GLRA1: variants seen among roughly 807,000 people sequenced by gnomAD.
GLRA1 encodes glycine receptor subunit alpha-1.
In GLRA1, 37 loss-of-function variants were observed where a neutral mutation model predicts 48.3. That is an observed-to-expected ratio of 0.77 (90% CI 0.59 to 1.01). The LOEUF is 1.01. Among genes scored for constraint, GLRA1 ranks in the 50% least tolerant of loss-of-function variants. GLRA1 has a pLI of 0.00. For synonymous variants in GLRA1, 196 were observed against 210.7 expected, an observed-to-expected ratio of 0.93 and a Z score of 0.60; for missense variants, 427 against 571.0, an observed-to-expected ratio of 0.75 and a Z score of 2.57.
chr5:151,854,776 T>C (rs1279239076), intron 6 of GLRA1, among the ~76,000 whole-genome samples: 1 of 152,248 alleles, frequency 6.6e-6, no homozygotes, highest in African/African-American at 2.4e-5. Context: ...TACTTCTGCC[T>C]TAGAAATAGG....
rs930670172 is a variant in GLRA1, at chr5:151,924,815, T to C, written c.-266A>G. On this transcript the variant is annotated 5_prime_UTR_variant, in exon 1 of 9. Coordinates refer to ENST00000274576, the MANE Select transcript of GLRA1 (RefSeq NM_000171.4). ...GGAGCGCGAAGAGTATTGCTGTTTGTTAAACTCCAGCGTGTCTGTTGGCTC... is the reference window on the plus strand; with the variant it reads ...GGAGCGCGAAGAGTATTGCTGTTTGCTAAACTCCAGCGTGTCTGTTGGCTC... 1.4e-5 allele frequency: 8 copies of C among 564,652 alleles called. No individual in the cohort carries two copies. Among genetic ancestry groups the C allele is most frequent in the Non-Finnish European group, 2.5e-5 (8 of 315,812 alleles). 35.0% of individuals were successfully genotyped at this position (564,652 alleles called of 1,614,324 possible). A position where few individuals can be genotyped will look rare whatever the true frequency, so the allele number is the denominator to read the frequency against.
intron 3 of GLRA1, among the ~76,000 whole-genome samples, chr5:151,867,636 T>A (rs1453705584): frequency 6.6e-6 from 1 of 152,214 alleles, no homozygotes; most frequent in Non-Finnish European, 1.5e-5. Context: ...AAAACAATCC[T>A]ATGACTTGGG....
rs1377530002 is a variant in GLRA1 at position 151,840,541 on chromosome 5, A to G, written c.912+10849T>C. 3.1e-4 allele frequency among the ~76,000 whole-genome samples: 47 copies of G among 152,230 alleles called. 1 individual carries two copies. Among genetic ancestry groups the G allele is most frequent in the Non-Finnish European group, 1.5e-5 (1 of 68,042 alleles). ...TACATTAATTAAATTAAGTGGAAAT[A>G]GACTAAACAAACTAATTGAAAGTTA... is the stretch of plus-strand genomic sequence containing the variant. On this transcript the variant is annotated intron_variant, in intron 7 of 8. Coordinates refer to ENST00000274576, the MANE Select transcript of GLRA1 (RefSeq NM_000171.4).
chr5:151,874,171 G>A (rs1753565597), intron 3 of GLRA1, among the ~76,000 whole-genome samples: 1 of 152,254 alleles, frequency 6.6e-6, no homozygotes, highest in Middle Eastern at 3.4e-3. Flanking sequence ...TGGGTAAATG[G>A]AGATTTCAGA....
chr5:151,911,425 C>T (rs147182164), intron 1 of GLRA1, among the ~76,000 whole-genome samples: 1 of 152,090 alleles, frequency 6.6e-6, no homozygotes, highest in African/African-American at 2.4e-5. Context: ...ACTATATGCC[C>T]TCTCCCTTTT....
intron 1 of GLRA1, among the ~76,000 whole-genome samples, chr5:151,907,048 C>A (rs1754488349): frequency 6.6e-6 from 1 of 152,212 alleles, no homozygotes; most frequent in Non-Finnish European, 1.5e-5. Flanking sequence ...TGCTCAGTAG[C>A]ATGCTGTAAG....
intron 1 of GLRA1, among the ~76,000 whole-genome samples, chr5:151,899,923 A>T (rs746437841): frequency 1.3e-5 from 2 of 152,150 alleles, no homozygotes. Flanking sequence ...TAAGAAGCAC[A>T]TGTATTTGAA....
At chr5:151,857,654 G>A (rs977048971) in intron 4 of GLRA1, among the ~76,000 whole-genome samples, 2 of 152,194 alleles carry the variant, frequency 1.3e-5, no homozygotes, top group East Asian at 3.8e-4. Context: ...AAAGGGGTGG[G>A]CTCCTCAGGA....
At chr5:151,879,297 A>G (rs1581639075) in intron 3 of GLRA1, among the ~76,000 whole-genome samples, 1 of 147,996 alleles carries the variant, frequency 6.8e-6, no homozygotes, top group African/African-American at 2.5e-5. Context: ...CAATACCTGT[A>G]CCCCCATTGT....
chr5:151,911,600 GTTT>G (rs768033241), intron 1 of GLRA1, among the ~76,000 whole-genome samples: 3 of 92,342 alleles, frequency 3.2e-5, no homozygotes, highest in Admixed American at 1.2e-4. Flanking sequence ...CCAAGCTAGA[GTTT>G]TTTTTTTTTT....
chr5:151,916,234 C>G (rs892855138), intron 1 of GLRA1, among the ~76,000 whole-genome samples: 5 of 152,148 alleles, frequency 3.3e-5, no homozygotes, highest in Non-Finnish European at 4.4e-5. Context: ...AATGGGGATA[C>G]TAACCATTGT....
At chr5:151,917,074 C>T (rs1754758873) in intron 1 of GLRA1, among the ~76,000 whole-genome samples, 1 of 152,214 alleles carries the variant, frequency 6.6e-6, no homozygotes, top group Non-Finnish European at 1.5e-5. Context: ...CTCTGTCACC[C>T]ACTCTATAAA....
At chr5:151,901,364 G>A (rs985145997) in intron 1 of GLRA1, among the ~76,000 whole-genome samples, 3 of 152,148 alleles carry the variant, frequency 2.0e-5, no homozygotes, top group African/African-American at 4.8e-5. Context: ...AAGCATGGGG[G>A]CATCAAGTGG....
At chr5:151,852,942 G>A (rs1752947883) in intron 6 of GLRA1, among the ~76,000 whole-genome samples, 1 of 152,188 alleles carries the variant, frequency 6.6e-6, no homozygotes. Context: ...TTATGACAAT[G>A]TGAATGAAGA....
At chr5:151,910,140 T>C (rs1754574006) in intron 1 of GLRA1, among the ~76,000 whole-genome samples, 1 of 152,192 alleles carries the variant, frequency 6.6e-6, no homozygotes, top group African/African-American at 2.4e-5. Context: ...TTTCAGCTTC[T>C]AGGCTGATTT....
Position 151,858,502 on chromosome 5 carries a change from C to T in GLRA1, c.476+1283G>A, listed in dbSNP as rs574467286. On this transcript the variant is annotated intron_variant, in intron 4 of 8. Transcript: ENST00000274576. The stretch of plus-strand genomic sequence containing the variant: ...ATCCAAGCAGGCTGACCTTACCATC[C>T]CCGCAGCCAGCTGGGCCTGGATGGC... Among the ~76,000 whole-genome samples, 3 of 152,294 alleles carry T rather than the reference C, an allele frequency of 2.0e-5. No homozygotes were observed. In the South Asian group the frequency reaches 6.2e-4, roughly 32 times the overall value.
At chr5:151,826,049 A>G (rs183960090) in intron 8 of GLRA1, among the ~76,000 whole-genome samples, 15 of 152,334 alleles carry the variant, frequency 9.8e-5, no homozygotes, top group Non-Finnish European at 1.6e-4. Flanking sequence ...GATTACGTTA[A>G]TTCAAATGCA....
In GLRA1 at chr5:151,886,786, G is replaced by C; in HGVS notation, c.187C>G (p.Pro63Ala). The change falls in exon 3 of 9, where the codon CCC becomes GCC. Residue 63 changes from proline (P) to alanine (A), a missense_variant and splice_region_variant. Coordinates refer to ENST00000274576, the MANE Select transcript of GLRA1 (RefSeq NM_000171.4). Reference sequence around the variant, plus strand: ...ATGTTGCAGCTCACGTTCACTGGGGGACCTGCCAATCAAGAGAGATTCCTG... The same window carrying C: ...ATGTTGCAGCTCACGTTCACTGGGGCACCTGCCAATCAAGAGAGATTCCTG... ...DARIRPNFKGPPVNVSCNIFI... is the reference protein window; with the variant it reads ...DARIRPNFKGAPVNVSCNIFI... The C allele has an allele frequency of 6.2e-7, 1 of 1,611,580 alleles. No homozygotes were observed. The highest frequency in any genetic ancestry group is 8.5e-7 in the Non-Finnish European group (1 of 1,177,682).
chr5:151,836,359 A>G (rs1282939988), intron 7 of GLRA1, among the ~76,000 whole-genome samples: 1 of 152,222 alleles, frequency 6.6e-6, no homozygotes, highest in Non-Finnish European at 1.5e-5. Flanking sequence ...AAGAATTAAT[A>G]TTGTGAAAAT....
Sources: allele counts gnomAD v4.1 joint callset (sites outside exome capture counted in the v4.1 genomes callset), GRCh38; gene constraint gnomAD v4.1.1; transcripts MANE v1.5; gene names NCBI Gene and HGNC (gene_info 2026-07-23, HGNC 2026-07-21).